The following RAB27A variants were observed in gnomAD, a reference collection of about 807,000 sequenced individuals.
RAB27A encodes the protein RAB27A, member RAS oncogene family.
A neutral mutation model predicts 20.8 loss-of-function variants in RAB27A; 17 were observed. The ratio of observed to expected loss-of-function variants is 0.82; its 90% confidence interval spans 0.56 to 1.23. The LOEUF is 1.23. Among genes scored for constraint, RAB27A ranks in the 50% most tolerant of loss-of-function variants. The pLI is 0.00. For missense variants in RAB27A, 277 were observed against 266.7 expected, an observed-to-expected ratio of 1.04 and a Z score of -0.27; for synonymous variants, 85 against 92.8, an observed-to-expected ratio of 0.92 and a Z score of 0.48.
intron 6 of RAB27A, among the ~76,000 whole-genome samples, chr15:55,222,972 C>T (rs1348194717): frequency 6.6e-6 from 1 of 151,180 alleles, no homozygotes; most frequent in Non-Finnish European, 1.5e-5. Context: ...CTGACCACTT[C>T]TTTCATGTCC....
intron 6 of RAB27A, among the ~76,000 whole-genome samples, chr15:55,219,808 C>T (rs1895480136): frequency 6.6e-6 from 1 of 152,152 alleles, no homozygotes; most frequent in Non-Finnish European, 1.5e-5. Context: ...GACAATATCA[C>T]TCAATATAAT....
At chr15:55,252,248 G>T (rs567841039) in intron 2 of RAB27A, among the ~76,000 whole-genome samples, 1 of 152,194 alleles carries the variant, frequency 6.6e-6, no homozygotes, top group South Asian at 2.1e-4. Flanking sequence ...ACTACATATT[G>T]GGTACAATGT....
intron 6 of RAB27A, among the ~76,000 whole-genome samples, chr15:55,223,433 C>T (rs1347671659): frequency 2.6e-5 from 4 of 151,254 alleles, no homozygotes; most frequent in Admixed American, 1.3e-4. Context: ...CGCTTGAACC[C>T]GGGAGGTGGA....
chr15:55,291,723 C>G (rs1898317373), upstream of RAB27A, among the ~76,000 whole-genome samples: 1 of 152,036 alleles, frequency 6.6e-6, no homozygotes, highest in Non-Finnish European at 1.5e-5. Flanking sequence ...GTATACCAGA[C>G]AGGAGATCAG....
intron 2 of RAB27A, among the ~76,000 whole-genome samples, chr15:55,250,388 C>G (rs886602594): frequency 5.3e-5 from 8 of 152,186 alleles, no homozygotes; most frequent in Non-Finnish European, 1.2e-4. Context: ...TTATGGCTAC[C>G]TTTAACGTAT....
rs565175303 is a variant in RAB27A at position 55,251,945 on chromosome 15, C to A, written c.-22-16989G>T. Among the ~76,000 whole-genome samples, 4 of 152,224 alleles carry A rather than the reference C, an allele frequency of 2.6e-5. No homozygotes were observed. In the South Asian group the frequency reaches 8.3e-4, roughly 32 times the overall value. On this transcript the variant is annotated intron_variant, in intron 2 of 6. Coordinates refer to ENST00000336787, the MANE Select transcript of RAB27A (RefSeq NM_183235.3). ...GCATGAGGTAGAGGGGACAGAGAAA[C>A]CCCTAGCACTCCCTACCTGGCTTCA...
intron 1 of RAB27A, among the ~76,000 whole-genome samples, chr15:55,273,270 A>T (rs1464263541): frequency 6.6e-6 from 1 of 151,712 alleles, no homozygotes; most frequent in African/African-American, 2.4e-5. Context: ...TTAGCCAGGC[A>T]TGGTGGAGGG....
At chr15:55,237,985 C>G (rs1042069498) in intron 2 of RAB27A, 2 of 152,080 alleles carry the variant, frequency 1.3e-5, no homozygotes, top group Non-Finnish European at 2.9e-5. Flanking sequence ...ACATGTAAGT[C>G]TACAAATGAT....
At chr15:55,213,693 G>A (rs1467848949) in intron 6 of RAB27A, among the ~76,000 whole-genome samples, 5 of 152,142 alleles carry the variant, frequency 3.3e-5, no homozygotes, top group Non-Finnish European at 2.9e-5. Context: ...CCCATGTGAG[G>A]GATCTAGGTT....
At chr15:55,212,016 T>A (rs1351861627) in intron 6 of RAB27A, among the ~76,000 whole-genome samples, 1 of 151,444 alleles carries the variant, frequency 6.6e-6, no homozygotes, top group Non-Finnish European at 1.5e-5. Flanking sequence ...ATTTCTTGTA[T>A]ATGCTCTTCA....
intron 2 of RAB27A, among the ~76,000 whole-genome samples, chr15:55,301,173 A>C (rs562082532): frequency 2.6e-4 from 39 of 152,220 alleles, no homozygotes; most frequent in African/African-American, 9.2e-4. Context: ...ACTTTGCAGG[A>C]CTTTTTTCTC....
intron 2 of RAB27A, among the ~76,000 whole-genome samples, chr15:55,237,148 C>T (rs1896292618): frequency 1.3e-5 from 2 of 152,162 alleles, no homozygotes; most frequent in African/African-American, 4.8e-5. Flanking sequence ...TGACTCCCGG[C>T]GTTATCCCCT....
intron 2 of RAB27A, among the ~76,000 whole-genome samples, chr15:55,300,670 ACT>A (rs2054967977): frequency 1.5e-5 from 2 of 135,602 alleles, no homozygotes; most frequent in South Asian, 4.7e-4. Flanking sequence ...CAAGAGCGAA[ACT>A]CTGTCTCCAA....
intron 2 of RAB27A, chr15:55,249,127 A>C (rs1896795686): frequency 6.6e-6 from 1 of 152,232 alleles, no homozygotes; most frequent in Admixed American, 6.5e-5. Flanking sequence ...GAGGAACAAC[A>C]ATGCACAGCC....
intron 2 of RAB27A, among the ~76,000 whole-genome samples, chr15:55,268,356 T>G (rs532073525): frequency 6.6e-6 from 1 of 152,224 alleles, no homozygotes. Flanking sequence ...GCCTTGGCAC[T>G]AATACAAATT....
At chr15:55,210,931 G>C (rs1416781578) in intron 6 of RAB27A, among the ~76,000 whole-genome samples, 1 of 152,068 alleles carries the variant, frequency 6.6e-6, no homozygotes, top group Non-Finnish European at 1.5e-5. Context: ...ATTTTGAGTT[G>C]ATTTTTATAT....
chr15:55,293,570 T>G (rs2054934326), upstream of RAB27A, among the ~76,000 whole-genome samples: 1 of 151,880 alleles, frequency 6.6e-6, no homozygotes, highest in African/African-American at 2.4e-5. Flanking sequence ...AGGTGCAGGA[T>G]TTATACATTG....
intron 1 of RAB27A, among the ~76,000 whole-genome samples, chr15:55,316,984 T>A (rs1337954805): frequency 2.0e-5 from 3 of 152,164 alleles, no homozygotes; most frequent in Non-Finnish European, 4.4e-5. Flanking sequence ...CAAACACTAT[T>A]GCAAACACCC....
At chr15:55,246,380 T>C (rs976414092) in intron 2 of RAB27A, among the ~76,000 whole-genome samples, 2 of 151,772 alleles carry the variant, frequency 1.3e-5, no homozygotes, top group African/African-American at 2.4e-5. Flanking sequence ...GCAGAAAACG[T>C]TCTGGAAGAC....
Sources: gnomAD v4.1 joint callset for allele counts (sites outside exome capture counted in the v4.1 genomes callset) on GRCh38, gnomAD v4.1.1 for gene constraint, MANE v1.5 for transcripts, NCBI Gene and HGNC (gene_info 2026-07-23, HGNC 2026-07-21) for gene names.